SLC12A1: variants seen among roughly 807,000 people sequenced by gnomAD.
SLC12A1 encodes the protein Na-K-2Cl cotransporter.
In SLC12A1, 89 loss-of-function variants were observed where a neutral mutation model predicts 130.4. That is an observed-to-expected ratio of 0.68 (90% CI 0.58 to 0.81). The LOEUF (loss-of-function observed/expected upper bound fraction) is 0.81, where lower values mean the gene tolerates loss of function less well. Among genes scored for constraint, SLC12A1 ranks in the 40% least tolerant of loss-of-function variants. The pLI, the probability that SLC12A1 is intolerant of heterozygous loss-of-function variation, is 0.00. For missense variants in SLC12A1, 1,310 were observed against 1,336.4 expected (o/e 0.98, Z 0.31); for synonymous variants, 499 against 460.0 (o/e 1.08, Z -1.09).
rs1566851789 is a variant in SLC12A1 at position 48,274,767 on chromosome 15, C to T, written c.2485+114C>T. ...TAGACAAAACTCCTTGACAGTGGAGCTTACATTCTAGTGCTACTCGTAGTG... is the reference window on the plus strand; with the variant it reads ...TAGACAAAACTCCTTGACAGTGGAGTTTACATTCTAGTGCTACTCGTAGTG... On this transcript the variant is annotated intron_variant, in intron 20 of 26. Coordinates refer to ENST00000380993, the MANE Select transcript of SLC12A1 (RefSeq NM_000338.3). The T allele has an allele frequency of 1.2e-5, 8 of 646,866 alleles. No homozygotes were observed. In the East Asian group the frequency reaches 2.2e-4, roughly 18 times the overall value. 40.1% of individuals were successfully genotyped at this position (646,866 alleles called of 1,614,324 possible). A position where few individuals can be genotyped will look rare whatever the true frequency, so the allele number is the denominator to read the frequency against.
intron 6 of SLC12A1, among the ~76,000 whole-genome samples, 168 bp downstream of exon 6, chr15:48,229,496 C>T (rs188042699): frequency 1.3e-5 from 2 of 152,294 alleles, no homozygotes; most frequent in Non-Finnish European, 2.9e-5. Context: ...TCCAGGTTCT[C>T]GCACTTACCA....
intron 4 of SLC12A1, chr15:48,224,804 A>G (rs1405712945): frequency 1.3e-5 from 2 of 152,120 alleles, no homozygotes; most frequent in Non-Finnish European, 2.9e-5. Flanking sequence ...TGCCAGAGTG[A>G]TATATTCTGA....
At chr15:48,282,307 G>A (rs1231612036) in intron 20 of SLC12A1, among the ~76,000 whole-genome samples, 3 of 152,154 alleles carry the variant, frequency 2.0e-5, no homozygotes, top group Non-Finnish European at 4.4e-5. Flanking sequence ...CAATTTTGCA[G>A]CTTGCTCTGT....
intron 23 of SLC12A1, among the ~76,000 whole-genome samples, chr15:48,289,313 T>G (rs1482207537): frequency 6.7e-6 from 1 of 149,212 alleles, no homozygotes; most frequent in Non-Finnish European, 1.5e-5. Flanking sequence ...CTTCCAGAAG[T>G]CACAAAATAA....
intron 23 of SLC12A1, among the ~76,000 whole-genome samples, chr15:48,289,431 T>TATATATA (rs60463295): frequency 0.036 from 4,390 of 121,578 alleles, 307 homozygotes; most frequent in African/African-American, 0.065. Context: ...ATATATATAA[T>TATATATA]GTATAACTAT....
At chr15:48,234,756 A>C in intron 8 of SLC12A1, 121 bp from the exon 9 acceptor site, 1 of 996,398 alleles carries the variant, frequency 1.0e-6, no homozygotes, top group Admixed American at 2.5e-5. Flanking sequence ...CTGTCTCAAA[A>C]AAAAAAAAAT....
At chr15:48,288,345 G>A in intron 22 of SLC12A1, 60 bp from the exon 23 acceptor site, 1 of 1,080,146 alleles carries the variant, frequency 9.3e-7, no homozygotes, top group South Asian at 1.5e-5. Flanking sequence ...AAGATATAAA[G>A]CTATTCATTT....
intron 23 of SLC12A1, 36 bp downstream of exon 23, chr15:48,288,552 AGAGGT>A: frequency 1.0e-6 from 1 of 992,688 alleles, no homozygotes; most frequent in East Asian, 2.6e-5. Flanking sequence ...AGGTCATTTC[AGAGGT>A]TTGTTGCTTT....
At chr15:48,233,401 A>G (rs188574034) in intron 8 of SLC12A1, among the ~76,000 whole-genome samples, 1 of 152,362 alleles carries the variant, frequency 6.6e-6, no homozygotes, top group Admixed American at 6.5e-5. Context: ...ACTGCAGAGC[A>G]CTAAAGTCAA....
chr15:48,290,720 A>G (rs2042109880), intron 23 of SLC12A1, among the ~76,000 whole-genome samples: 1 of 152,150 alleles, frequency 6.6e-6, no homozygotes, highest in Non-Finnish European at 1.5e-5. Context: ...GCATATATGC[A>G]TATATGCATA....
At chr15:48,287,293 T>C (rs2042069536) in intron 21 of SLC12A1, among the ~76,000 whole-genome samples, 2 of 152,160 alleles carry the variant, frequency 1.3e-5, no homozygotes, top group Admixed American at 6.6e-5. Flanking sequence ...TTAAAAAAAT[T>C]GTAACTATTT....
At chr15:48,233,327 T>C (rs1681862490) in intron 8 of SLC12A1, among the ~76,000 whole-genome samples, 1 of 152,208 alleles carries the variant, frequency 6.6e-6, no homozygotes, top group South Asian at 2.1e-4. Flanking sequence ...TGAAAGTGCT[T>C]TGTAAACCTT....
chr15:48,277,270 G>T (rs936259112), intron 20 of SLC12A1, among the ~76,000 whole-genome samples: 2 of 149,388 alleles, frequency 1.3e-5, no homozygotes, highest in African/African-American at 4.9e-5. Flanking sequence ...GAAAATTGAG[G>T]GAAAGGCATG....
At chr15:48,275,883 T>G (rs898775745) in intron 20 of SLC12A1, among the ~76,000 whole-genome samples, 2 of 152,102 alleles carry the variant, frequency 1.3e-5, no homozygotes, top group African/African-American at 4.8e-5. Context: ...GGGAATAAGG[T>G]GGTCAAACTT....
intron 5 of SLC12A1, 119 bp downstream of exon 5, chr15:48,226,690 T>C (rs1390851892): frequency 7.2e-6 from 5 of 691,514 alleles, no homozygotes; most frequent in Non-Finnish European, 1.3e-5. Flanking sequence ...CCTGGCTATT[T>C]GGAGGAGCTG....
chr15:48,255,145 G>A (rs1454379267), intron 15 of SLC12A1, among the ~76,000 whole-genome samples: 1 of 150,774 alleles, frequency 6.6e-6, no homozygotes, highest in Admixed American at 6.6e-5. Context: ...TCTCCTTCCA[G>A]TTTAAGAATT....
intron 4 of SLC12A1, among the ~76,000 whole-genome samples, chr15:48,221,790 A>C (rs1247281232): frequency 2.0e-5 from 3 of 152,220 alleles, no homozygotes; most frequent in Non-Finnish European, 4.4e-5. Flanking sequence ...ATATATGGGA[A>C]ATACATTATG....
chr15:48,250,674 C>T (rs74011988), intron 14 of SLC12A1, among the ~76,000 whole-genome samples: 1 of 56,128 alleles, frequency 1.8e-5, no homozygotes, highest in Non-Finnish European at 3.4e-5. Flanking sequence ...AAAATGTCTG[C>T]CTCACACACA....
At chr15:48,284,803 G>A (rs2042040724) in intron 20 of SLC12A1, among the ~76,000 whole-genome samples, 1 of 151,884 alleles carries the variant, frequency 6.6e-6, no homozygotes, top group South Asian at 2.1e-4. Flanking sequence ...GCTGATTTTT[G>A]TATCGTTCAT....
Sources: allele counts gnomAD v4.1 joint callset (sites outside exome capture counted in the v4.1 genomes callset), GRCh38; gene constraint gnomAD v4.1.1; transcripts MANE v1.5; gene names NCBI Gene and HGNC (gene_info 2026-07-23, HGNC 2026-07-21).